LRRTM4: variants seen among roughly 807,000 people sequenced by gnomAD.
The protein encoded by LRRTM4 is leucine-rich repeat transmembrane neuronal protein 4.
LRRTM4 carries 25 observed loss-of-function variants against 47.6 expected under a neutral mutation model. The observed-to-expected ratio is 0.53, with a 90% CI of 0.38 to 0.73. The LOEUF is 0.73. Ranked by LOEUF, LRRTM4 falls within the 30% of genes least tolerant of loss-of-function variation. LRRTM4 has a pLI of 0.00. For missense variants in LRRTM4, 638 were observed against 713.4 expected (o/e 0.89, Z 1.20); for synonymous variants, 311 against 269.5 (o/e 1.15, Z -1.51).
At chr2:76,878,844 A>C (rs1362015985) in intron 3 of LRRTM4, among the ~76,000 whole-genome samples, 2 of 152,150 alleles carry the variant, frequency 1.3e-5, no homozygotes, top group African/African-American at 4.8e-5. Context: ...ACTGCACTCC[A>C]GCCTGGATGA....
intron 3 of LRRTM4, among the ~76,000 whole-genome samples, chr2:77,499,209 C>T (rs1393833180): frequency 6.6e-6 from 1 of 151,984 alleles, no homozygotes; most frequent in East Asian, 1.9e-4. Context: ...GGCATGTTTA[C>T]CACAATGCTC....
At chr2:77,457,057 A>C (rs1449545307) in intron 3 of LRRTM4, among the ~76,000 whole-genome samples, 1 of 82,692 alleles carries the variant, frequency 1.2e-5, no homozygotes, top group Non-Finnish European at 2.3e-5. Context: ...TATATGTATA[A>C]CCTGGAACTC....
At chr2:77,154,383 C>A (rs1448058253) in intron 3 of LRRTM4, among the ~76,000 whole-genome samples, 4 of 152,048 alleles carry the variant, frequency 2.6e-5, no homozygotes, top group African/African-American at 9.7e-5. Flanking sequence ...CACAAGGAAT[C>A]AAATAATGCA....
intron 3 of LRRTM4, among the ~76,000 whole-genome samples, chr2:77,040,566 A>T (rs1038223381): frequency 2.0e-5 from 3 of 151,430 alleles, no homozygotes; most frequent in Non-Finnish European, 4.4e-5. Flanking sequence ...GTAGAGCAAA[A>T]TACTGTGGAG....
At chr2:76,886,339 G>A (rs1433822232) in intron 3 of LRRTM4, among the ~76,000 whole-genome samples, 1 of 152,050 alleles carries the variant, frequency 6.6e-6, no homozygotes, top group African/African-American at 2.4e-5. Context: ...GCACATACAT[G>A]CAACATGTCT....
At chr2:77,108,963 A>G (rs1254214339) in intron 3 of LRRTM4, among the ~76,000 whole-genome samples, 1 of 152,226 alleles carries the variant, frequency 6.6e-6, no homozygotes, top group Non-Finnish European at 1.5e-5. Flanking sequence ...AATTTCTGTT[A>G]ACATAGCAGA....
chr2:77,241,099 C>T (rs967313649), intron 3 of LRRTM4, among the ~76,000 whole-genome samples: 4 of 151,702 alleles, frequency 2.6e-5, no homozygotes, highest in African/African-American at 9.7e-5. Flanking sequence ...AAAGACAACA[C>T]AATTTTGAAA....
chr2:77,265,859 A>T (rs975120642), intron 3 of LRRTM4, among the ~76,000 whole-genome samples: 2 of 152,220 alleles, frequency 1.3e-5, no homozygotes, highest in Admixed American at 6.5e-5. Context: ...TTAGAAAAAA[A>T]TGCAGTCAGA....
intron 3 of LRRTM4, among the ~76,000 whole-genome samples, chr2:77,070,256 A>C (rs1680108056): frequency 6.6e-6 from 1 of 152,004 alleles, no homozygotes; most frequent in South Asian, 2.1e-4. Flanking sequence ...AAATACAATA[A>C]ATGCTCCACA....
chr2:77,394,038 G>T (rs1673605937), intron 3 of LRRTM4, among the ~76,000 whole-genome samples: 2 of 151,922 alleles, frequency 1.3e-5, no homozygotes, highest in African/African-American at 4.8e-5. Context: ...CTGCAATGAA[G>T]TATTGGATGT....
intron 3 of LRRTM4, among the ~76,000 whole-genome samples, chr2:76,887,725 T>G (rs1158093636): frequency 1.3e-5 from 2 of 150,330 alleles, no homozygotes; most frequent in Non-Finnish European, 1.5e-5. Context: ...AATTTTAAAA[T>G]GAGTATATAT....
chr2:76,959,343 G>A (rs909847088), intron 3 of LRRTM4, among the ~76,000 whole-genome samples: 1 of 151,400 alleles, frequency 6.6e-6, no homozygotes, highest in Admixed American at 6.6e-5. Context: ...TGACTGAAAT[G>A]AAGAAAGTCA....
chr2:76,878,060 T>C lies in LRRTM4; in HGVS notation c.1552-129144A>G, dbSNP rs561888777. Reference sequence around the variant, plus strand: ...TGAGCAACCCATTTTTGCAACAGCGTATGTTCACTTCATGTCTCTGTGTCA... The same window carrying C: ...TGAGCAACCCATTTTTGCAACAGCGCATGTTCACTTCATGTCTCTGTGTCA... On this transcript the variant is annotated intron_variant, in intron 3 of 3. Coordinates refer to ENST00000409884, the MANE Select transcript of LRRTM4 (RefSeq NM_001134745.3). Among the ~76,000 whole-genome samples the C allele has an allele frequency of 1.8e-4, 28 of 152,324 alleles. 1 individual carries two copies. In the South Asian group the frequency reaches 5.6e-3, roughly 30 times the overall value.
intron 3 of LRRTM4, among the ~76,000 whole-genome samples, chr2:77,392,641 A>G (rs1462765563): frequency 6.6e-6 from 1 of 151,980 alleles, no homozygotes; most frequent in Non-Finnish European, 1.5e-5. Context: ...ATACCACATG[A>G]TCTCACTTAC....
chr2:77,256,560 T>G (rs9973910), intron 3 of LRRTM4, among the ~76,000 whole-genome samples: 27,618 of 152,042 alleles, frequency 0.18, 7,298 homozygotes, highest in African/African-American at 0.58. Context: ...CATGAGATCT[T>G]ATTGTTTTAT....
chr2:77,106,636 T>C (rs1671099530), intron 3 of LRRTM4, among the ~76,000 whole-genome samples: 1 of 152,058 alleles, frequency 6.6e-6, no homozygotes, highest in Non-Finnish European at 1.5e-5. Flanking sequence ...GGTAAAATAA[T>C]GGATATGTTA....
intron 3 of LRRTM4, among the ~76,000 whole-genome samples, chr2:77,458,124 C>G (rs1359887327): frequency 2.6e-5 from 4 of 151,966 alleles, no homozygotes; most frequent in Admixed American, 6.6e-5. Context: ...ATTTTTTTAC[C>G]CCTCAGAGTA....
chr2:76,789,890 A>T (rs1036852966), intron 3 of LRRTM4, among the ~76,000 whole-genome samples: 23 of 151,894 alleles, frequency 1.5e-4, no homozygotes, highest in Admixed American at 5.9e-4. Flanking sequence ...CTTCTTTTTT[A>T]TCTCTAGCTC....
chr2:77,334,364 T>C (rs1309522599), intron 3 of LRRTM4, among the ~76,000 whole-genome samples: 2 of 152,204 alleles, frequency 1.3e-5, no homozygotes, highest in African/African-American at 4.8e-5. Context: ...AATCTCATCT[T>C]GAATTGTAAT....
Sources: allele counts gnomAD v4.1 joint callset (sites outside exome capture counted in the v4.1 genomes callset), GRCh38; gene constraint gnomAD v4.1.1; transcripts MANE v1.5; gene names NCBI Gene and HGNC (gene_info 2026-07-23, HGNC 2026-07-21).